TMEM79: variants seen among roughly 807,000 people sequenced by gnomAD.
The protein encoded by TMEM79 is mattrin.
A neutral mutation model predicts 31.2 loss-of-function variants in TMEM79; 30 were observed. That is an observed-to-expected ratio of 0.96 (90% CI 0.72 to 1.30). TMEM79 has a LOEUF of 1.30. Ranked by LOEUF, TMEM79 falls within the 50% of genes most tolerant of loss-of-function variation. The pLI, the probability that TMEM79 is intolerant of heterozygous loss-of-function variation, is 0.00. For synonymous variants in TMEM79, 213 were observed against 229.5 expected (o/e 0.93, Z 0.65); for missense variants, 509 against 528.2 (o/e 0.96, Z 0.36).
intron 3 of TMEM79, among the ~76,000 whole-genome samples, chr1:156,288,142 G>A (rs758843061): frequency 5.3e-5 from 8 of 149,892 alleles, no homozygotes; most frequent in South Asian, 2.1e-4. Context: ...GTGAACCCGG[G>A]AGCCGAGATA....
In TMEM79 at chr1:156,291,931, A is replaced by G; in HGVS notation, c.*333A>G. The G allele has an allele frequency of 1.8e-6, 1 of 557,634 alleles. No homozygotes were observed. The highest frequency in any genetic ancestry group is 3.2e-6 in the Non-Finnish European group (1 of 312,720). 34.5% of individuals were successfully genotyped at this position (557,634 alleles called of 1,614,324 possible). ...CTGAGCAGCCTCTCACCACTGCCAC[A>G]AGGCTCCCTAATGCTGGTCTCTGCT... On this transcript the variant is annotated 3_prime_UTR_variant, in exon 4 of 4. Coordinates refer to ENST00000405535, the MANE Select transcript of TMEM79 (RefSeq NM_032323.3).
chr1:156,285,138 C>A, intron 1 of TMEM79, 46 bp from the exon 2 acceptor site: 1 of 1,470,104 alleles, frequency 6.8e-7, no homozygotes, highest in Non-Finnish European at 9.1e-7. Flanking sequence ...GTCCTAATAA[C>A]TAGAAGACAG....
chr1:156,287,870 A>C (rs1409744078), intron 3 of TMEM79, among the ~76,000 whole-genome samples: 1 of 151,832 alleles, frequency 6.6e-6, no homozygotes, highest in Non-Finnish European at 1.5e-5. Flanking sequence ...TGCCCGCCTC[A>C]GCCTCCCAAA....
At position 156,285,779 on chromosome 1, in the gene TMEM79, T is replaced by A. The variant is rs779184606; in HGVS notation, c.553T>A (p.Ser185Thr). Residue 185 changes from serine (S) to threonine (T), a missense_variant, in exon 2 of 4, where the codon TCC becomes ACC. Ser to Thr is a moderately conservative substitution (Grantham distance 58). Transcript: ENST00000405535. ...AEAVVRPPGC[S>T]CGGCGSCGDR... is the part of the protein sequence containing the mutation. ...GGCAGTGGTGAGGCCGCCTGGCTGT[T>A]CCTGTGGGGGCTGCGGGAGCTGTGG... 1.9e-6 allele frequency: 3 copies of A among 1,613,402 alleles called. No homozygotes were observed. The Admixed American group carries it at 5.0e-5, about 27-fold the overall frequency.
chr1:156,291,312 C>A, intron 3 of TMEM79, 73 bp from the exon 4 acceptor site: 1 of 1,412,564 alleles, frequency 7.1e-7, no homozygotes, highest in South Asian at 1.2e-5. Flanking sequence ...CTACTCCCCC[C>A]ACCGTCAGCC....
Position 156,285,851 on chromosome 1 carries a change from AT to A in TMEM79, c.627del (p.Leu210SerfsTer23). 1 of 1,613,562 alleles carries A rather than the reference AT, an allele frequency of 6.2e-7. No individual in the cohort carries two copies. The highest frequency in any genetic ancestry group is 8.5e-7 in the Non-Finnish European group (1 of 1,179,988). ...RAVASVGAAL[I>X]LFPCLLYGAY... is the part of the protein sequence containing the mutation. ...TGTGGCCTCCGTGGGAGCCGCACTC[AT>A]TCTCTTCCCTTGCCTACTATACGGG... On this transcript the variant is annotated frameshift_variant, in exon 2 of 4. Coordinates refer to ENST00000405535, the MANE Select transcript of TMEM79 (RefSeq NM_032323.3). LOFTEE classifies it high-confidence loss of function.
At chr1:156,289,201 G>A (rs1006235805) in intron 3 of TMEM79, among the ~76,000 whole-genome samples, 1 of 152,234 alleles carries the variant, frequency 6.6e-6, no homozygotes, top group Non-Finnish European at 1.5e-5. Context: ...GGTGCCAGGC[G>A]TGGTGGCTCA....
At chr1:156,286,046 G>C in intron 2 of TMEM79, 63 bp downstream of exon 2, 1 of 1,545,334 alleles carries the variant, frequency 6.5e-7, no homozygotes, top group Non-Finnish European at 8.7e-7. Flanking sequence ...GGCCTGGCTG[G>C]TGTGGGGAGC....
Position 156,287,272 on chromosome 1 carries a change from C to T in TMEM79, c.971+799C>T, listed in dbSNP as rs935833625. 3.3e-5 allele frequency among the ~76,000 whole-genome samples: 5 copies of T among 151,544 alleles called. No individual in the cohort carries two copies. In the South Asian group the frequency reaches 6.3e-4, roughly 19 times the overall value. On this transcript the variant is annotated intron_variant, in intron 3 of 3. Transcript: ENST00000405535. Reference sequence around the variant, plus strand: ...TCTACTAAAAATACAAAAAATTAGCCGGGTGTGGTGGTGGGCATCTGTAAT... The same window carrying T: ...TCTACTAAAAATACAAAAAATTAGCTGGGTGTGGTGGTGGGCATCTGTAAT...
In TMEM79 at chr1:156,291,673, C is replaced by T; in HGVS notation, c.*75C>T. 7.0e-7 allele frequency: 1 copy of T among 1,436,956 alleles called. No homozygotes were observed. Among genetic ancestry groups the T allele is most frequent in the Non-Finnish European group, 9.7e-7 (1 of 1,027,212 alleles). The allele number at this position is 1,436,956 out of a possible 1,614,324, so 89.0% of individuals were successfully genotyped here. ...ACATCTTTGAACCTTGTGGCCAGGC[C>T]TGGACTTCGCCCCCAGGCCTAGGAC... On this transcript the variant is annotated 3_prime_UTR_variant, in exon 4 of 4. Coordinates refer to ENST00000405535, the MANE Select transcript of TMEM79 (RefSeq NM_032323.3).
intron 3 of TMEM79, 52 bp downstream of exon 3, chr1:156,286,525 C>T (rs767370691): frequency 1.9e-6 from 3 of 1,577,490 alleles, no homozygotes; most frequent in Admixed American, 1.7e-5. Flanking sequence ...GCTAGAGAAC[C>T]TAGGCATCTG....
rs576856841 is a variant in TMEM79 at position 156,291,740 on chromosome 1, A to G, written c.*142A>G. On this transcript the variant is annotated 3_prime_UTR_variant, in exon 4 of 4. Coordinates refer to ENST00000405535, the MANE Select transcript of TMEM79 (RefSeq NM_032323.3). ...CTGCTACTGCCCCAACAGGGACTCC[A>G]ATCAATCGGAGTTCTCCCCTTGCCG... is the stretch of plus-strand genomic sequence containing the variant. The G allele has an allele frequency of 1.9e-4, 134 of 704,844 alleles. 1 individual carries two copies. The highest frequency in any genetic ancestry group is 1.3e-3 in the South Asian group (76 of 60,402). 43.7% of individuals were successfully genotyped at this position (704,844 alleles called of 1,614,324 possible).
In TMEM79 at chr1:156,291,634, G is replaced by A. The variant is rs941512430; in HGVS notation, c.*36G>A. The A allele has an allele frequency of 1.9e-6, 3 of 1,594,778 alleles. No individual in the cohort carries two copies. Among genetic ancestry groups the A allele is most frequent in the Non-Finnish European group, 2.6e-6 (3 of 1,164,406 alleles). ...CCTCGCCCTCGGAGTAGGGGGTAGC[G>A]GCTTGGGTCTGACACATCTTTGAAC... On this transcript the variant is annotated 3_prime_UTR_variant, in exon 4 of 4. Coordinates refer to ENST00000405535, the MANE Select transcript of TMEM79 (RefSeq NM_032323.3).
chr1:156,291,690 G>T lies in TMEM79; in HGVS notation c.*92G>T. 1.7e-6 allele frequency: 2 copies of T among 1,196,520 alleles called. No homozygotes were observed. The highest frequency in any genetic ancestry group is 4.9e-5 in the East Asian group (2 of 40,876). The allele number at this position is 1,196,520 out of a possible 1,614,324, so 74.1% of individuals were successfully genotyped here. ...GGCCAGGCCTGGACTTCGCCCCCAGGCCTAGGACCGCGGTGGGTGGAACCC... is the reference window on the plus strand; with the variant it reads ...GGCCAGGCCTGGACTTCGCCCCCAGTCCTAGGACCGCGGTGGGTGGAACCC... On this transcript the variant is annotated 3_prime_UTR_variant, in exon 4 of 4. Transcript: ENST00000405535.
At chr1:156,286,862 G>A (rs1663179746) in intron 3 of TMEM79, among the ~76,000 whole-genome samples, 1 of 152,350 alleles carries the variant, frequency 6.6e-6, no homozygotes, top group South Asian at 2.1e-4. Flanking sequence ...AGTGGCTCAT[G>A]CCTGTAATCT....
In TMEM79 at chr1:156,285,863, TG is replaced by T. The variant is rs1426164404; in HGVS notation, c.638del (p.Cys213SerfsTer20). 6.2e-7 allele frequency: 1 copy of T among 1,613,744 alleles called. No individual in the cohort carries two copies. The highest frequency in any genetic ancestry group is 1.3e-5 in the African/African-American group (1 of 74,896). The part of the protein sequence containing the change: ...SVGAALILFP[C>X]LLYGAYAFLP... ...GGGAGCCGCACTCATTCTCTTCCCT[TG>T]CCTACTATACGGGGCATATGCCTTC... On this transcript the variant is annotated frameshift_variant, in exon 2 of 4. Coordinates refer to ENST00000405535, the MANE Select transcript of TMEM79 (RefSeq NM_032323.3). LOFTEE classifies it high-confidence loss of function.
In TMEM79 at chr1:156,292,376, A is replaced by AGTGTGTGTGTGTGTGT. The variant is rs9331871; in HGVS notation, c.*809_*824dup. 7.0e-6 allele frequency: 1 copy of AGTGTGTGTGTGTGTGT among 142,378 alleles called. No individual in the cohort carries two copies. Among genetic ancestry groups the AGTGTGTGTGTGTGTGT allele is most frequent in the African/African-American group, 2.7e-5 (1 of 37,726 alleles). 8.8% of individuals were successfully genotyped at this position (142,378 alleles called of 1,614,324 possible). On this transcript the variant is annotated 3_prime_UTR_variant, in exon 4 of 4. Transcript: ENST00000405535. ...ATGGTGCGGTGGTTGATGTTAACCTAGTGTGTGTGTGTGTGTGTGTGTGTG... is the reference window on the plus strand; with the variant it reads ...ATGGTGCGGTGGTTGATGTTAACCTAGTGTGTGTGTGTGTGTGTGTGTGTGTGTGTGTGTGTGTGTG...
chr1:156,287,467 A>G (rs1329196389), intron 3 of TMEM79, among the ~76,000 whole-genome samples: 1 of 152,136 alleles, frequency 6.6e-6, no homozygotes, highest in African/African-American at 2.4e-5. Flanking sequence ...TGAGGTCTCA[A>G]GGTTGGGGGG....
At chr1:156,283,683 G>T (rs1254409002), upstream of TMEM79, among the ~76,000 whole-genome samples, 10 of 152,126 alleles carry the variant, frequency 6.6e-5, no homozygotes, top group Non-Finnish European at 1.5e-4. Context: ...AACATAAATT[G>T]CCCTTCTACC....
Sources: allele counts gnomAD v4.1 joint callset (sites outside exome capture counted in the v4.1 genomes callset), GRCh38; gene constraint gnomAD v4.1.1; transcripts MANE v1.5; gene names NCBI Gene and HGNC (gene_info 2026-07-23, HGNC 2026-07-21).